The following SUPT20H variants were observed in gnomAD, a reference collection of about 807,000 sequenced individuals.
SUPT20H encodes SPT20 homolog, SAGA complex component.
SUPT20H carries 82 observed loss-of-function variants against 122.8 expected under a neutral mutation model. The observed-to-expected ratio is 0.67, with a 90% CI of 0.56 to 0.80. The LOEUF (loss-of-function observed/expected upper bound fraction) is 0.80, where lower values mean the gene tolerates loss of function less well. Ranked by LOEUF, SUPT20H falls within the 30% of genes least tolerant of loss-of-function variation. The pLI is 0.00. For missense variants in SUPT20H, 831 were observed against 921.6 expected, an observed-to-expected ratio of 0.90 and a Z score of 1.27; for synonymous variants, 291 against 313.0, an observed-to-expected ratio of 0.93 and a Z score of 0.74.
At chr13:37,018,069 C>T (rs1364129451) in intron 22 of SUPT20H, among the ~76,000 whole-genome samples, 1 of 151,758 alleles carries the variant, frequency 6.6e-6, no homozygotes, top group East Asian at 1.9e-4. Flanking sequence ...AGGAGAATGT[C>T]CAAGACAATA....
intron 1 of SUPT20H, among the ~76,000 whole-genome samples, chr13:37,055,808 A>G (rs1594622251): frequency 6.6e-6 from 1 of 152,348 alleles, no homozygotes; most frequent in Non-Finnish European, 1.5e-5. Flanking sequence ...AGCAAAAGAA[A>G]CTACCATCAG....
chr13:37,054,198 AG>A (rs1333315523), intron 1 of SUPT20H, among the ~76,000 whole-genome samples: 1 of 152,214 alleles, frequency 6.6e-6, no homozygotes, highest in African/African-American at 2.4e-5. Flanking sequence ...TACAAGGAGG[AG>A]GTGGTACCAT....
At chr13:37,029,932 C>A in intron 12 of SUPT20H, 96 bp from the exon 13 acceptor site, 2 of 883,514 alleles carry the variant, frequency 2.3e-6, no homozygotes, top group South Asian at 1.8e-5. Context: ...CTAAGTAACT[C>A]GACAATACAA....
intron 23 of SUPT20H, among the ~76,000 whole-genome samples, chr13:37,016,869 G>T (rs2060601200): frequency 6.6e-6 from 1 of 152,116 alleles, no homozygotes; most frequent in South Asian, 2.1e-4. Context: ...TACATTTTAT[G>T]ATAATAGGGA....
chr13:37,044,494 C>G (rs1386442090), intron 6 of SUPT20H, among the ~76,000 whole-genome samples: 1 of 151,992 alleles, frequency 6.6e-6, no homozygotes, highest in Non-Finnish European at 1.5e-5. Flanking sequence ...TCACTGAAGA[C>G]CAATTAATCT....
rs2067487894 is a variant in SUPT20H, at chr13:37,050,651, G to T, written c.3+837C>A. ...TGAAATTAAAACTTCAAAGGGTCTA[G>T]TGAGACATGCATACATACATAAATA... On this transcript the variant is annotated intron_variant, in intron 2 of 25. Transcript: ENST00000350612. Among the ~76,000 whole-genome samples the T allele has an allele frequency of 2.0e-5, 3 of 152,294 alleles. No individual in the cohort carries two copies. The South Asian group carries it at 6.2e-4, about 32-fold the overall frequency.
At position 37,028,419 on chromosome 13, in the gene SUPT20H, C is replaced by A. The variant is rs904153432; in HGVS notation, c.994-114G>T. On this transcript the variant is annotated intron_variant, in intron 13 of 25. Transcript: ENST00000350612. ...ACATGTATCTGACGATAGGAAGACACACAGCACTTAGGCTACAAAGATATT... is the reference window on the plus strand; with the variant it reads ...ACATGTATCTGACGATAGGAAGACAAACAGCACTTAGGCTACAAAGATATT... 3.2e-6 allele frequency: 3 copies of A among 951,230 alleles called. No homozygotes were observed. In the African/African-American group the frequency reaches 5.0e-5, roughly 16 times the overall value. 58.9% of individuals were successfully genotyped at this position (951,230 alleles called of 1,614,324 possible).
At position 37,044,947 on chromosome 13, in the gene SUPT20H, C is replaced by CT. The variant is rs578033477; in HGVS notation, c.292+299dup. Among the ~76,000 whole-genome samples, 139 of 147,164 alleles carry CT rather than the reference C, an allele frequency of 9.4e-4. 1 individual carries two copies. Among genetic ancestry groups the CT allele is most frequent in the Middle Eastern group, 3.4e-3 (1 of 292 alleles). On this transcript the variant is annotated intron_variant, in intron 6 of 25. Coordinates refer to ENST00000350612, the MANE Select transcript of SUPT20H (RefSeq NM_001014286.3). Reference sequence around the variant, plus strand: ...TGTAAGTTATGCCTCTATAATTTTCCTTTTTTTTTTAACCTTTCCTTTGGT... The same window carrying CT: ...TGTAAGTTATGCCTCTATAATTTTCCTTTTTTTTTTTAACCTTTCCTTTGGT...
intron 12 of SUPT20H, among the ~76,000 whole-genome samples, chr13:37,030,258 T>C (rs982298054): frequency 6.6e-6 from 1 of 152,174 alleles, no homozygotes; most frequent in Non-Finnish European, 1.5e-5. Flanking sequence ...TGAGGGAGAC[T>C]AGGGAAGGTA....
chr13:37,011,536 GT>G lies in SUPT20H; in HGVS notation c.2098+655del, dbSNP rs574093904. ...ATTCAATCCTCAAACTCCTATCATA[GT>G]TTTCTTATACATATGGCTTACTCTT... On this transcript the variant is annotated intron_variant, in intron 24 of 25. Transcript: ENST00000350612. 1.3e-3 allele frequency among the ~76,000 whole-genome samples: 201 copies of G among 152,148 alleles called. 1 individual carries two copies. Among genetic ancestry groups the G allele is most frequent in the Non-Finnish European group, 2.2e-3 (150 of 67,998 alleles).
rs563846565 is a variant in SUPT20H, at chr13:37,052,532, A to G, written c.-93-949T>C. Among the ~76,000 whole-genome samples the G allele has an allele frequency of 3.3e-4, 7 of 21,270 alleles. No homozygotes were observed. The South Asian group carries it at 0.017, about 51-fold the overall frequency. 14.0% of individuals were successfully genotyped at this position (21,270 alleles called of 152,430 possible). A position where few individuals can be genotyped will look rare whatever the true frequency, so the allele number is the denominator to read the frequency against. The stretch of plus-strand genomic sequence containing the variant: ...TTAACAAAAATTAACTCAAGATGGA[A>G]TAAAGACTTACAACATAAAACCATA... On this transcript the variant is annotated intron_variant, in intron 1 of 25. Transcript: ENST00000350612.
chr13:37,048,039 A>G (rs994842584), intron 3 of SUPT20H, 103 bp from the exon 4 acceptor site: 5 of 712,766 alleles, frequency 7.0e-6, no homozygotes, highest in Non-Finnish European at 1.1e-5. Flanking sequence ...AAGGCTATTC[A>G]CTTAACTCTC....
chr13:37,044,331 AC>A, intron 6 of SUPT20H, 150 bp from the exon 7 acceptor site: 1 of 524,268 alleles, frequency 1.9e-6, no homozygotes. Context: ...AAAAAACAAA[AC>A]CAAAAGGCCC....
rs2139550096 is a variant in SUPT20H at position 37,022,827 on chromosome 13, A to C, written c.1592-747T>G. ...CACATCAAGTTTATCCTGACAAACA[A>C]ATTTACAAAAAACAGTAATAAAGCA... On this transcript the variant is annotated intron_variant, in intron 19 of 25. Transcript: ENST00000350612. The surrounding 1 kb of genome is among the most constrained non-coding windows in gnomAD (Gnocchi z 4.5). 1 of 1,065,956 alleles carries C rather than the reference A, an allele frequency of 9.4e-7. No individual in the cohort carries two copies. The highest frequency in any genetic ancestry group is 1.6e-5 in the African/African-American group (1 of 60,858). The allele number at this position is 1,065,956 out of a possible 1,614,324, so 66.0% of individuals were successfully genotyped here.
At chr13:37,012,417 G>A in intron 23 of SUPT20H, 120 bp from the exon 24 acceptor site, 1 of 618,820 alleles carries the variant, frequency 1.6e-6, no homozygotes, top group Non-Finnish European at 2.8e-6. Context: ...CTTGTAAAAA[G>A]AATAACAAGG....
intron 9 of SUPT20H, among the ~76,000 whole-genome samples, chr13:37,036,872 T>A (rs1459652692): frequency 6.6e-6 from 1 of 152,116 alleles, no homozygotes; most frequent in Non-Finnish European, 1.5e-5. Context: ...ATTCTAAGAA[T>A]ACAGAGCACA....
At chr13:37,017,636 C>G (rs1185302150) in intron 22 of SUPT20H, among the ~76,000 whole-genome samples, 2 of 151,940 alleles carry the variant, frequency 1.3e-5, no homozygotes, top group Non-Finnish European at 2.9e-5. Context: ...TTCCAATTCA[C>G]ATGCTATTTT....
intron 5 of SUPT20H, chr13:37,047,175 A>T (rs2066638365): frequency 6.4e-6 from 1 of 155,282 alleles, no homozygotes; most frequent in Non-Finnish European, 1.4e-5. Context: ...CATCATGAGA[A>T]AACAGGTTAC....
At chr13:37,055,971 A>G (rs2068899830) in intron 1 of SUPT20H, among the ~76,000 whole-genome samples, 1 of 152,232 alleles carries the variant, frequency 6.6e-6, no homozygotes, top group Non-Finnish European at 1.5e-5. Flanking sequence ...ATGAACAGAC[A>G]CTTCTGAAAA....
Sources: gnomAD v4.1 joint callset for allele counts (sites outside exome capture counted in the v4.1 genomes callset) on GRCh38, gnomAD v4.1.1 for gene constraint, Gnocchi (gnomAD v3.1) non-coding constraint, MANE v1.5 for transcripts, NCBI Gene and HGNC (gene_info 2026-07-23, HGNC 2026-07-21) for gene names.